Variants in PACRGL observed in about 807,000 individuals in gnomAD.
PACRGL encodes parkin coregulated like, also known as PACRG-like protein.
Under a neutral mutation model 34.5 loss-of-function variants are expected in PACRGL, and 38 were observed. The observed-to-expected ratio is 1.10, with a 90% confidence interval of 0.85 to 1.44. The LOEUF (loss-of-function observed/expected upper bound fraction) is 1.44. Ranked by LOEUF, PACRGL falls within the 40% of genes most tolerant of loss-of-function variation. The probability of loss-of-function intolerance (pLI) is 0.00; values close to 1 mark genes in which losing one functional copy is unlikely to be tolerated. For missense variants in PACRGL, 305 were observed against 281.4 expected, an observed-to-expected ratio of 1.08 and a Z score of -0.60; for synonymous variants, 128 against 100.1, an observed-to-expected ratio of 1.28 and a Z score of -1.66.
intron 7 of PACRGL, among the ~76,000 whole-genome samples, chr4:20,723,003 C>T (rs1744068194): frequency 6.6e-6 from 1 of 152,158 alleles, no homozygotes; most frequent in South Asian, 2.1e-4. Flanking sequence ...CTAGGAACTA[C>T]CTGTTCCAAT....
downstream of PACRGL, among the ~76,000 whole-genome samples, chr4:20,735,704 T>A (rs1445681060): frequency 6.6e-6 from 1 of 151,876 alleles, no homozygotes; most frequent in African/African-American, 2.4e-5. Flanking sequence ...GCCTGACTAA[T>A]TTTTGTATTT....
chr4:20,766,267 G>A, the PACRGL span, among the ~76,000 whole-genome samples: 1 of 152,134 alleles, frequency 6.6e-6, no homozygotes. Context: ...GGAAACTTGA[G>A]AGTTTAAAGC....
chr4:20,743,849 G>A (rs1751760976), intron 8 of PACRGL, among the ~76,000 whole-genome samples: 1 of 151,618 alleles, frequency 6.6e-6, no homozygotes, highest in Admixed American at 6.6e-5. Flanking sequence ...CAAAATGGGA[G>A]AAAATTTTCG....
chr4:20,719,120 A>T (rs989677707), intron 7 of PACRGL: 3 of 152,168 alleles, frequency 2.0e-5, no homozygotes, highest in African/African-American at 7.2e-5. Context: ...ATTTGCATAG[A>T]GGTGTTTATA....
At chr4:20,753,541 G>C (rs143027653), downstream of PACRGL, among the ~76,000 whole-genome samples, 2,352 of 152,192 alleles carry the variant, frequency 0.015, 28 homozygotes, top group South Asian at 0.039. Context: ...CATGCCCCAG[G>C]TTTGTAGAAT....
intron 8 of PACRGL, among the ~76,000 whole-genome samples, chr4:20,751,219 C>T (rs59979250): frequency 0.017 from 2,556 of 152,262 alleles, 64 homozygotes; most frequent in African/African-American, 0.059. Context: ...TTACCAGCAC[C>T]GTTTTCAGTG....
the PACRGL span, chr4:20,758,950 G>T: frequency 2.1e-6 from 3 of 1,400,658 alleles, no homozygotes; most frequent in Non-Finnish European, 2.0e-6. Flanking sequence ...AATTTTTTTT[G>T]CACATTTTGA....
At chr4:20,708,673 G>C (rs1735672503) in intron 4 of PACRGL, among the ~76,000 whole-genome samples, 1 of 151,908 alleles carries the variant, frequency 6.6e-6, no homozygotes, top group Non-Finnish European at 1.5e-5. Flanking sequence ...TTACTCTTAT[G>C]AAAATAAGCC....
At chr4:20,721,866 A>T (rs1391666355) in intron 7 of PACRGL, among the ~76,000 whole-genome samples, 5 of 152,208 alleles carry the variant, frequency 3.3e-5, no homozygotes, top group African/African-American at 4.8e-5. Context: ...AGACAGGGAC[A>T]TTTAAGTCTG....
In PACRGL at chr4:20,713,528, C is replaced by G. The variant is rs145119411; in HGVS notation, c.598C>G (p.Leu200Val). Residue 200 changes from leucine (L) to valine (V), a missense_variant, in exon 7 of 9, where the codon CTG becomes GTG. By Grantham distance (32) the Leu-to-Val change is conservative. Transcript: ENST00000503585. ...TTCTCTAAACGACCATCTGAAGCATCTGCTTACAAGCGTAAGTACTGCAAA... is the reference window on the plus strand; with the variant it reads ...TTCTCTAAACGACCATCTGAAGCATGTGCTTACAAGCGTAAGTACTGCAAA... ...GPSLNDHLKH[L>V]LTSLSKRLMD... 3.9e-4 allele frequency: 626 copies of G among 1,610,160 alleles called. 4 individuals carry two copies. The African/African-American group carries it at 7.8e-3, about 20-fold the overall frequency.
intron 8 of PACRGL, among the ~76,000 whole-genome samples, chr4:20,752,066 T>TTC (rs35585587): frequency 0.14 from 21,530 of 149,960 alleles, 1,776 homozygotes; most frequent in Middle Eastern, 0.22. Context: ...TTTTTTTTTT[T>TTC]TTTTTTTTTG....
the PACRGL span, among the ~76,000 whole-genome samples, chr4:20,762,596 C>T: frequency 6.6e-6 from 1 of 152,204 alleles, no homozygotes; most frequent in Non-Finnish European, 1.5e-5. Context: ...CTCTACTTCT[C>T]TATCAAGAAT....
Position 20,714,271 on chromosome 4 carries a change from T to A in PACRGL, c.609+732T>A, listed in dbSNP as rs556030355. The stretch of plus-strand genomic sequence containing the variant: ...TATGTAATGGCCTTCTTTGTCTCTT[T>A]TGATCTTTGTTGGTTTAAAGTCTGT... On this transcript the variant is annotated intron_variant, in intron 7 of 8. Transcript: ENST00000503585. Among the ~76,000 whole-genome samples, 40 of 152,326 alleles carry A rather than the reference T, an allele frequency of 2.6e-4. 1 individual carries two copies. The highest frequency in any genetic ancestry group is 8.9e-4 in the African/African-American group (37 of 41,584).
chr4:20,716,766 C>T (rs1740253988), intron 7 of PACRGL, among the ~76,000 whole-genome samples: 1 of 152,182 alleles, frequency 6.6e-6, no homozygotes, highest in South Asian at 2.1e-4. Flanking sequence ...CAAGTCTTTG[C>T]TATTGTGAAT....
intron 8 of PACRGL, among the ~76,000 whole-genome samples, chr4:20,742,912 T>C (rs62411661): frequency 6.6e-6 from 1 of 151,918 alleles, no homozygotes; most frequent in Admixed American, 6.6e-5. Flanking sequence ...GGCATTCCTA[T>C]ACACCAATAA....
At chr4:20,720,397 A>G (rs1742445545) in intron 7 of PACRGL, among the ~76,000 whole-genome samples, 4 of 152,172 alleles carry the variant, frequency 2.6e-5, no homozygotes, top group African/African-American at 7.2e-5. Context: ...TATTTTGCTC[A>G]TTAGTTGATG....
intron 7 of PACRGL, among the ~76,000 whole-genome samples, chr4:20,717,850 G>C (rs1362110517): frequency 1.4e-5 from 2 of 146,448 alleles, no homozygotes; most frequent in Admixed American, 1.4e-4. Flanking sequence ...CTTTAAAGTA[G>C]TTCTTTTCCA....
At chr4:20,735,977 A>G (rs1282929681), downstream of PACRGL, among the ~76,000 whole-genome samples, 2 of 152,156 alleles carry the variant, frequency 1.3e-5, no homozygotes, top group Non-Finnish European at 2.9e-5. Flanking sequence ...CCTTTCTCAC[A>G]TTCCTTCCTT....
rs1382509956 is a variant in PACRGL, at chr4:20,700,465, C to T, written c.-339C>T. The T allele has an allele frequency of 1.3e-5, 2 of 152,190 alleles. No homozygotes were observed. Among genetic ancestry groups the T allele is most frequent in the Non-Finnish European group, 2.9e-5 (2 of 68,084 alleles). 9.4% of individuals were successfully genotyped at this position (152,190 alleles called of 1,614,324 possible). A position where few individuals can be genotyped will look rare whatever the true frequency, so the allele number is the denominator to read the frequency against. Reference sequence around the variant, plus strand: ...CGGGCCGCGCGGAGCCTCATTTCCCCAAACGCAGGCGCTCGGTGGCGGTAG... The same window carrying T: ...CGGGCCGCGCGGAGCCTCATTTCCCTAAACGCAGGCGCTCGGTGGCGGTAG... On this transcript the variant is annotated 5_prime_UTR_variant, in exon 1 of 9. Transcript: ENST00000503585.
Sources: allele counts gnomAD v4.1 joint callset (sites outside exome capture counted in the v4.1 genomes callset), GRCh38; gene constraint gnomAD v4.1.1; transcripts MANE v1.5; gene names NCBI Gene and HGNC (gene_info 2026-07-23, HGNC 2026-07-21).